The following SETD1B variants were observed in gnomAD, a reference collection of about 807,000 sequenced individuals.
The protein encoded by SETD1B is SET domain containing 1B, histone lysine methyltransferase.
In SETD1B, 7 loss-of-function variants were observed where a neutral mutation model predicts 148.0. That is an observed-to-expected ratio of 0.05 (90% CI 0.03 to 0.09). SETD1B has a LOEUF of 0.09. Ranked by LOEUF, SETD1B falls within the 10% of genes least tolerant of loss-of-function variation. The probability of loss-of-function intolerance (pLI) is 1.00; values close to 1 mark genes in which losing one functional copy is unlikely to be tolerated. For synonymous variants in SETD1B, 1,361 were observed against 1,186.5 expected, an observed-to-expected ratio of 1.15 and a Z score of -3.02; for missense variants, 2,155 against 2,729.9, an observed-to-expected ratio of 0.79 and a Z score of 4.69.
the SETD1B span, chr12:121,793,281 G>A: frequency 2.0e-6 from 3 of 1,521,624 alleles, no homozygotes; most frequent in East Asian, 4.9e-5. Flanking sequence ...TGGGGCCGGC[G>A]GGGGCCAAAG....
In SETD1B at chr12:121,810,624, C is replaced by A. The variant is rs1239042734; in HGVS notation, c.1679C>A (p.Pro560His). The change falls in exon 6 of 17, where the codon CCC becomes CAC. Residue 560 changes from proline to histidine, a missense_variant. By Grantham distance (77) the Pro-to-His change is moderately conservative (BLOSUM62 -2). Transcript: ENST00000604567. This position sits in a 1 kb window ranked among gnomAD's most constrained non-coding sequence, Gnocchi z 7.6. Reference protein sequence around the residue: ...SQPGFRGPTPPSSRPSSTGLE... With the variant: ...SQPGFRGPTPHSSRPSSTGLE... ...CCAGGCTTCCGGGGCCCCACGCCCC[C>A]CTCGTCACGCCCCTCCAGCACCGGC... is the stretch of plus-strand genomic sequence containing the variant. 1 of 1,548,404 alleles carries A rather than the reference C, an allele frequency of 6.5e-7. No homozygotes were observed. The highest frequency in any genetic ancestry group is 8.7e-7 in the Non-Finnish European group (1 of 1,146,386).
At chr12:121,807,679 G>A (rs1206528840) in intron 4 of SETD1B, among the ~76,000 whole-genome samples, 2 of 152,110 alleles carry the variant, frequency 1.3e-5, no homozygotes, top group African/African-American at 4.8e-5. Context: ...GCCCAAGGTA[G>A]TCCCCAGGCC....
chr12:121,823,708 G>A lies in SETD1B; in HGVS notation c.5129G>A (p.Gly1710Asp), dbSNP rs1052647472. 3.2e-6 allele frequency: 5 copies of A among 1,551,492 alleles called. No individual in the cohort carries two copies. The highest frequency in any genetic ancestry group is 4.4e-6 in the Non-Finnish European group (5 of 1,146,982). The change falls in exon 12 of 17, where the codon GGC (glycine) becomes GAC (aspartate). Residue 1710 changes from glycine to aspartate, a missense_variant. Coordinates refer to ENST00000604567, the MANE Select transcript of SETD1B (RefSeq NM_001353345.2). Reference sequence around the variant, plus strand: ...GAGCGACTGCTACAGCAGGACAATGGCATGGACTGGCTTAACGACACGCTC... The same window carrying A: ...GAGCGACTGCTACAGCAGGACAATGACATGGACTGGCTTAACGACACGCTC... ...TYERLLQQDNGMDWLNDTLWV... is the reference protein window; with the variant it reads ...TYERLLQQDNDMDWLNDTLWV...
At chr12:121,820,175 C>T (rs1455632995) in intron 11 of SETD1B, among the ~76,000 whole-genome samples, 1 of 152,244 alleles carries the variant, frequency 6.6e-6, no homozygotes, top group African/African-American at 2.4e-5. Flanking sequence ...GACCATCAGT[C>T]CCATGAGATG....
chr12:121,821,515 C>T (rs948642430), intron 11 of SETD1B, among the ~76,000 whole-genome samples: 6 of 151,284 alleles, frequency 4.0e-5, no homozygotes, highest in South Asian at 2.1e-4. Context: ...TGTGGGAAGC[C>T]GAGGTAGGCA....
At chr12:121,812,156 G>A (rs922485662) in intron 6 of SETD1B, among the ~76,000 whole-genome samples, 3 of 152,136 alleles carry the variant, frequency 2.0e-5, no homozygotes, top group Non-Finnish European at 4.4e-5. Context: ...GCCCCCTGCT[G>A]GCGCCGGGGA....
chr12:121,820,758 C>A (rs955607238), intron 11 of SETD1B, among the ~76,000 whole-genome samples: 7 of 152,210 alleles, frequency 4.6e-5, no homozygotes, highest in Non-Finnish European at 1.0e-4. Flanking sequence ...TGGTCTCGAT[C>A]TCCTGACCTC....
At chr12:121,828,194 C>CA (rs1876933876) in intron 16 of SETD1B, 124 bp downstream of exon 16, 1 of 1,320,864 alleles carries the variant, frequency 7.6e-7, no homozygotes, top group African/African-American at 1.5e-5. Flanking sequence ...CTCAGGTTGG[C>CA]CAAGGGTTAT....
intron 11 of SETD1B, among the ~76,000 whole-genome samples, chr12:121,821,516 G>A (rs534058032): frequency 3.3e-5 from 5 of 151,852 alleles, no homozygotes; most frequent in East Asian, 1.9e-4. Flanking sequence ...GTGGGAAGCC[G>A]AGGTAGGCAG....
intron 12 of SETD1B, among the ~76,000 whole-genome samples, 186 bp from the exon 13 acceptor site, chr12:121,825,014 A>G (rs1016029611): frequency 6.6e-6 from 1 of 150,600 alleles, no homozygotes; most frequent in African/African-American, 2.4e-5. Flanking sequence ...ACCTAGAGCC[A>G]TGCAACTAGG....
the SETD1B span, chr12:121,795,847 G>A: frequency 6.5e-6 from 1 of 152,708 alleles, no homozygotes. Context: ...CCAAGAAATG[G>A]GGCTGTGATC....
Position 121,823,095 on chromosome 12 carries a change from GC to G in SETD1B, c.4522del (p.Leu1508TrpfsTer8). The G allele has an allele frequency of 3.5e-6, 1 of 286,932 alleles. No individual in the cohort carries two copies. Among genetic ancestry groups the G allele is most frequent in the Non-Finnish European group, 4.5e-6 (1 of 222,234 alleles). The allele number at this position is 286,932 out of a possible 1,614,324, so 17.8% of individuals were successfully genotyped here. ...CACCCCGCTGCCACCCCTGCTGCCC[GC>G]CCCCCTGGCCTCTTGCCCTCCCCCA... ...APTPLPPLLP[A>X]PLASCPPPMK... On this transcript the variant is annotated frameshift_variant, in exon 12 of 17. Transcript: ENST00000604567. LOFTEE classifies it high-confidence loss of function.
chr12:121,793,111 C>T, the SETD1B span: 9 of 1,515,312 alleles, frequency 5.9e-6, no homozygotes, highest in Non-Finnish European at 7.2e-6. Context: ...ACCCTTCGGG[C>T]GGGCGGACCC....
chr12:121,822,737 GC>G lies in SETD1B; in HGVS notation c.4163del (p.Pro1388ArgfsTer11). 6.6e-7 allele frequency: 1 copy of G among 1,517,098 alleles called. No individual in the cohort carries two copies. Among genetic ancestry groups the G allele is most frequent in the Non-Finnish European group, 8.9e-7 (1 of 1,124,758 alleles). 94.0% of individuals were successfully genotyped at this position (1,517,098 alleles called of 1,614,324 possible). A position where few individuals can be genotyped will look rare whatever the true frequency, so the allele number is the denominator to read the frequency against. ...CGGTGCCAGCCACACCAGGCGGGGA[GC>G]CCCCGCTATCAGGGGGCAGCAGTGG... Reference protein sequence around the residue: ...ETVPATPGGEPPLSGGSSGLS... With the variant: ...ETVPATPGGEXPLSGGSSGLS... On this transcript the variant is annotated frameshift_variant, in exon 12 of 17. Coordinates refer to ENST00000604567, the MANE Select transcript of SETD1B (RefSeq NM_001353345.2). LOFTEE classifies it high-confidence loss of function.
At chr12:121,807,444 TAAAAAAAA>T (rs33988047) in intron 4 of SETD1B, among the ~76,000 whole-genome samples, 1 of 132,762 alleles carries the variant, frequency 7.5e-6, no homozygotes, top group South Asian at 2.3e-4. Context: ...TTCAATTCTG[TAAAAAAAA>T]AAAAAAAAAG....
chr12:121,829,383 C>T (rs1284471045), intron 16 of SETD1B, among the ~76,000 whole-genome samples: 3 of 152,054 alleles, frequency 2.0e-5, no homozygotes. Context: ...ACTCACCGGC[C>T]CTGGTTGGGG....
chr12:121,822,518 C>G lies in SETD1B; in HGVS notation c.3939C>G (p.Pro1313=), dbSNP rs1246734112. 4.5e-6 allele frequency: 7 copies of G among 1,549,398 alleles called. No homozygotes were observed. Among genetic ancestry groups the G allele is most frequent in the South Asian group, 1.2e-5 (1 of 83,850 alleles). The part of the protein sequence containing the change: ...PEHDLEVEPE[P]PMMLPLPLQP... ...ATGACCTGGAAGTGGAGCCGGAGCC[C>G]CCTATGATGCTCCCCTTGCCGCTGC... is the stretch of plus-strand genomic sequence containing the variant. Residue 1313 remains proline, a synonymous_variant, in exon 12 of 17, where the codon CCC becomes CCG. Coordinates refer to ENST00000604567, the MANE Select transcript of SETD1B (RefSeq NM_001353345.2).
At chr12:121,795,455 G>C in the SETD1B span, 1 of 152,418 alleles carries the variant, frequency 6.6e-6, no homozygotes. Flanking sequence ...GGGTAACCCA[G>C]CCTGGCAAAT....
intron 12 of SETD1B, 21 bp downstream of exon 12, chr12:121,823,770 GC>G (rs751953571): frequency 1.3e-6 from 2 of 1,526,426 alleles, no homozygotes; most frequent in Admixed American, 2.0e-5. Flanking sequence ...GGCATGGGGG[GC>G]TCTGCACCTT....
Sources: allele counts gnomAD v4.1 joint callset (sites outside exome capture counted in the v4.1 genomes callset), GRCh38; gene constraint gnomAD v4.1.1; non-coding constraint Gnocchi (gnomAD v3.1); transcripts MANE v1.5; gene names NCBI Gene and HGNC (gene_info 2026-07-23, HGNC 2026-07-21).